Variants in OSBPL8 observed in about 807,000 individuals in gnomAD.
The protein encoded by OSBPL8 is oxysterol binding protein like 8.
OSBPL8 carries 59 observed loss-of-function variants against 125.5 expected under a neutral mutation model. The ratio of observed to expected loss-of-function variants is 0.47; its 90% CI spans 0.38 to 0.58. The LOEUF (loss-of-function observed/expected upper bound fraction) is 0.58, where lower values mean the gene tolerates loss of function less well. Ranked by LOEUF, OSBPL8 falls within the 20% of genes least tolerant of loss-of-function variation. OSBPL8 has a pLI of 0.00. For synonymous variants in OSBPL8, 330 were observed against 338.9 expected (o/e 0.97, Z 0.29); for missense variants, 758 against 1,047.8 (o/e 0.72, Z 3.82).
intron 7 of OSBPL8, among the ~76,000 whole-genome samples, chr12:76,398,172 G>A (rs1012747096): frequency 2.6e-5 from 4 of 151,964 alleles, no homozygotes; most frequent in African/African-American, 7.3e-5. Context: ...ACCAGGTCAG[G>A]GGCCATTAAA....
At chr12:76,490,918 C>T (rs551270967) in intron 1 of OSBPL8, among the ~76,000 whole-genome samples, 1 of 152,362 alleles carries the variant, frequency 6.6e-6, no homozygotes, top group Non-Finnish European at 1.5e-5. Flanking sequence ...TCGCTCCTGC[C>T]AGTGCCCAAA....
chr12:76,403,613 A>G (rs1315690222), intron 5 of OSBPL8, among the ~76,000 whole-genome samples: 1 of 152,228 alleles, frequency 6.6e-6, no homozygotes, highest in Non-Finnish European at 1.5e-5. Flanking sequence ...AAACAAAATT[A>G]AACATACTCC....
intron 16 of OSBPL8, among the ~76,000 whole-genome samples, chr12:76,377,946 G>A (rs2136228729): frequency 6.6e-6 from 1 of 152,220 alleles, no homozygotes; most frequent in East Asian, 1.9e-4. Context: ...CTAGCATGTT[G>A]TAATGTTATA....
At chr12:76,382,600 C>T (rs971025307) in intron 15 of OSBPL8, among the ~76,000 whole-genome samples, 2 of 152,022 alleles carry the variant, frequency 1.3e-5, no homozygotes, top group African/African-American at 2.4e-5. Flanking sequence ...ATGTCACAGT[C>T]GGCTGGGTGC....
chr12:76,376,294 G>A (rs1247223242), intron 16 of OSBPL8, among the ~76,000 whole-genome samples: 1 of 152,202 alleles, frequency 6.6e-6, no homozygotes, highest in Non-Finnish European at 1.5e-5. Context: ...TCTGCTGTTG[G>A]TCTAAGATGC....
chr12:76,455,079 C>CAAA lies in OSBPL8; in HGVS notation c.80-4094_80-4092dup, dbSNP rs558685645. ...GAAACCTCGTCTCCACTAAAAAATA[C>CAAA]AAAAAAAAAAAAAATTAGCTGGGCG... is the stretch of plus-strand genomic sequence containing the variant. On this transcript the variant is annotated intron_variant, in intron 3 of 23. Transcript: ENST00000261183. Among the ~76,000 whole-genome samples, 127 of 135,630 alleles carry CAAA rather than the reference C, an allele frequency of 9.4e-4. 3 individuals are homozygous for CAAA. Among genetic ancestry groups the CAAA allele is most frequent in the South Asian group, 2.3e-3 (10 of 4,296 alleles). The allele number at this position is 135,630 out of a possible 152,430, so 89.0% of individuals were successfully genotyped here.
At chr12:76,448,548 T>C (rs1164955298) in intron 4 of OSBPL8, among the ~76,000 whole-genome samples, 1 of 152,200 alleles carries the variant, frequency 6.6e-6, no homozygotes, top group Non-Finnish European at 1.5e-5. Flanking sequence ...TTTCAGGTCT[T>C]CCAAAAAGCA....
rs1950563120 is a variant in OSBPL8, at chr12:76,538,750, C to A, written c.-68+20647G>T. On this transcript the variant is annotated intron_variant, in intron 1 of 23. Transcript: ENST00000261183. ...ATCACTAGAGGTCAGGAGTTTGAGA[C>A]CAGCCTGGCCAACACGGTGAAATCC... is the stretch of plus-strand genomic sequence containing the variant. 2.0e-5 allele frequency among the ~76,000 whole-genome samples: 3 copies of A among 151,950 alleles called. No homozygotes were observed. The South Asian group carries it at 6.2e-4, about 32-fold the overall frequency.
rs111398920 is a variant in OSBPL8 at position 76,418,329 on chromosome 12, C to T, written c.218-7695G>A. Among the ~76,000 whole-genome samples the T allele has an allele frequency of 8.3e-3, 1,258 of 152,136 alleles. 15 individuals are homozygous for T. Among genetic ancestry groups the T allele is most frequent in the African/African-American group, 0.029 (1,196 of 41,510 alleles). On this transcript the variant is annotated intron_variant, in intron 4 of 23. Transcript: ENST00000261183. Reference sequence around the variant, plus strand: ...CGATTTTCACTACTTTCTTAACAGCCTTTCTCCAAAGTATTCTGTCTCTTG... The same window carrying T: ...CGATTTTCACTACTTTCTTAACAGCTTTTCTCCAAAGTATTCTGTCTCTTG...
chr12:76,509,510 T>G (rs535417823), intron 1 of OSBPL8, among the ~76,000 whole-genome samples: 1 of 152,368 alleles, frequency 6.6e-6, no homozygotes. Context: ...ATTGCTTGAT[T>G]AAAGCAGTCT....
chr12:76,451,949 T>A (rs374871389), intron 3 of OSBPL8, among the ~76,000 whole-genome samples: 3 of 152,100 alleles, frequency 2.0e-5, no homozygotes, highest in East Asian at 3.9e-4. Flanking sequence ...CGAAACCCCG[T>A]CTCTACTAAA....
intron 4 of OSBPL8, among the ~76,000 whole-genome samples, chr12:76,433,469 AAAG>A (rs2136595154): frequency 6.6e-6 from 1 of 152,278 alleles, no homozygotes; most frequent in South Asian, 2.1e-4. Context: ...TAGCAAAAAA[AAAG>A]AATACTTAGA....
intron 22 of OSBPL8, among the ~76,000 whole-genome samples, chr12:76,357,627 C>A (rs768999887): frequency 1.8e-4 from 27 of 152,132 alleles, no homozygotes; most frequent in Non-Finnish European, 2.9e-4. Context: ...GTTACCCCTA[C>A]CCCACTCTCC....
chr12:76,410,678 T>C (rs1954477894), intron 4 of OSBPL8, 44 bp from the exon 5 acceptor site: 15 of 1,305,356 alleles, frequency 1.1e-5, no homozygotes, highest in South Asian at 2.4e-5. Context: ...CTTTTGAACA[T>C]GTATAATAAG....
chr12:76,471,264 G>A (rs1486709518), intron 2 of OSBPL8, among the ~76,000 whole-genome samples: 2 of 152,050 alleles, frequency 1.3e-5, no homozygotes, highest in Admixed American at 1.3e-4. Flanking sequence ...ACCTCCACTT[G>A]GATACACATC....
intron 4 of OSBPL8, among the ~76,000 whole-genome samples, chr12:76,432,479 G>A (rs988375730): frequency 3.3e-5 from 5 of 152,136 alleles, no homozygotes; most frequent in African/African-American, 1.2e-4. Flanking sequence ...TACCTGGGAC[G>A]TTGAAACAGA....
At chr12:76,391,803 A>G (rs1233279347) in intron 10 of OSBPL8, among the ~76,000 whole-genome samples, 5 of 152,246 alleles carry the variant, frequency 3.3e-5, no homozygotes, top group African/African-American at 1.2e-4. Flanking sequence ...AAAAAAAAAG[A>G]AACAAGCAAA....
At chr12:76,470,714 C>T (rs1876034609) in intron 2 of OSBPL8, among the ~76,000 whole-genome samples, 1 of 152,178 alleles carries the variant, frequency 6.6e-6, no homozygotes, top group African/African-American at 2.4e-5. Context: ...CATCAAGCCA[C>T]AGGCAAGACT....
chr12:76,358,869 C>T (rs902612403), intron 21 of OSBPL8, 58 bp from the exon 22 acceptor site: 1 of 1,319,704 alleles, frequency 7.6e-7, no homozygotes, highest in South Asian at 1.2e-5. Flanking sequence ...TAAAGACCAA[C>T]TGTGTACAAT....
Sources: allele counts gnomAD v4.1 joint callset (sites outside exome capture counted in the v4.1 genomes callset), GRCh38; gene constraint gnomAD v4.1.1; transcripts MANE v1.5; gene names NCBI Gene and HGNC (gene_info 2026-07-23, HGNC 2026-07-21).